Variants in INA observed in about 807,000 individuals in gnomAD.
INA encodes the protein alpha-internexin.
A neutral mutation model predicts 40.1 loss-of-function variants in INA; 35 were observed. The ratio of observed to expected loss-of-function variants is 0.87; its 90% CI spans 0.67 to 1.16. INA has a LOEUF of 1.16. INA is among the 50% of genes most tolerant of loss of function. The pLI is 0.00. For missense variants in INA, 594 were observed against 686.7 expected (o/e 0.87, Z 1.51); for synonymous variants, 290 against 316.9 (o/e 0.92, Z 0.90).
At chr10:103,279,603 A>C (rs145059470) in intron 1 of INA, among the ~76,000 whole-genome samples, 208 of 152,376 alleles carry the variant, frequency 1.4e-3, no homozygotes, top group African/African-American at 4.8e-3. Flanking sequence ...AATTCTAGCT[A>C]GGATTAAAGT....
intron 1 of INA, among the ~76,000 whole-genome samples, chr10:103,284,613 G>A (rs2093080828): frequency 6.6e-6 from 1 of 152,004 alleles, no homozygotes; most frequent in Non-Finnish European, 1.5e-5. Flanking sequence ...AATTAGCCAG[G>A]TGTGGTGGTG....
intron 1 of INA, among the ~76,000 whole-genome samples, chr10:103,284,161 AC>A (rs2093079578): frequency 6.7e-6 from 1 of 150,300 alleles, no homozygotes; most frequent in African/African-American, 2.5e-5. Context: ...AGGCTGGAGC[AC>A]AGTGGCGCCA....
Position 103,287,091 on chromosome 10 carries a change from C to A in INA, c.1122C>A (p.Arg374=). 1 of 1,613,908 alleles carries A rather than the reference C, an allele frequency of 6.2e-7. No homozygotes were observed. Among genetic ancestry groups the A allele is most frequent in the Non-Finnish European group, 8.5e-7 (1 of 1,179,884 alleles). The part of the protein sequence containing the change: ...DLRNTKSEMA[R]HLREYQDLLN... ...GGAACACCAAGAGTGAGATGGCACG[C>A]CACCTTCGGGAATACCAGGACTTGC... is the stretch of plus-strand genomic sequence containing the variant. The change falls in exon 2 of 3, where the codon CGC becomes CGA. Residue 374 remains arginine (R), a synonymous_variant. Coordinates refer to ENST00000369849, the MANE Select transcript of INA (RefSeq NM_032727.4).
chr10:103,279,969 T>G (rs753956050), intron 1 of INA: 1 of 1,289,448 alleles, frequency 7.8e-7, no homozygotes, highest in South Asian at 1.2e-5. Context: ...CTAGGTGGTC[T>G]TCTGGAGGGC....
In INA at chr10:103,286,182, T is replaced by C. The variant is rs373518480; in HGVS notation, c.1066-853T>C. Among the ~76,000 whole-genome samples, 18 of 151,786 alleles carry C rather than the reference T, an allele frequency of 1.2e-4. No homozygotes were observed. The East Asian group carries it at 2.7e-3, about 23-fold the overall frequency. ...ATCTTTACAAAACAAAAATCTTTTT[T>C]AACTAGCCAGGCATGGTAGTGTACA... On this transcript the variant is annotated intron_variant, in intron 1 of 2. Transcript: ENST00000369849.
In INA at chr10:103,277,578, G is replaced by C; in HGVS notation, c.367G>C (p.Glu123Gln). ...GCTGGAGACGCAGAACCGCGCGTTG[G>C]AGGCCGAGCTGGCCGCGCTGCGACA... is the stretch of plus-strand genomic sequence containing the variant. ...HQLETQNRAL[E>Q]AELAALRQRH... Residue 123 changes from glutamate (E) to glutamine (Q), a missense_variant, in exon 1 of 3, where the codon GAG (glutamate) becomes CAG (glutamine). Coordinates refer to ENST00000369849, the MANE Select transcript of INA (RefSeq NM_032727.4). The surrounding 1 kb of genome is among the most constrained non-coding windows in gnomAD (Gnocchi z 5.6). 5 of 1,566,808 alleles carry C rather than the reference G, an allele frequency of 3.2e-6. No homozygotes were observed. The highest frequency in any genetic ancestry group is 4.3e-6 in the Non-Finnish European group (5 of 1,162,846).
At chr10:103,280,597 C>T in intron 1 of INA, 1 of 985,364 alleles carries the variant, frequency 1.0e-6, no homozygotes, top group African/African-American at 1.7e-5. Context: ...ATAGGAAGGC[C>T]CCATTAAAGT....
intron 1 of INA, among the ~76,000 whole-genome samples, chr10:103,285,269 C>A (rs2093082982): frequency 6.6e-6 from 1 of 151,370 alleles, no homozygotes; most frequent in South Asian, 2.1e-4. Flanking sequence ...CAGGCATGAG[C>A]CATCGTGCCT....
At chr10:103,283,247 T>A (rs532531594) in intron 1 of INA, among the ~76,000 whole-genome samples, 24 of 152,322 alleles carry the variant, frequency 1.6e-4, no homozygotes, top group African/African-American at 5.8e-4. Context: ...ATAATCATAT[T>A]TTCTTCTTTC....
Position 103,278,182 on chromosome 10 carries a change from T to C in INA, c.971T>C (p.Ile324Thr). The C allele has an allele frequency of 6.2e-7, 1 of 1,610,212 alleles. No homozygotes were observed. Among genetic ancestry groups the C allele is most frequent in the Non-Finnish European group, 8.5e-7 (1 of 1,178,780 alleles). Residue 324 changes from isoleucine (I) to threonine (T), a missense_variant, in exon 1 of 3, where the codon ATC becomes ACC. Coordinates refer to ENST00000369849, the MANE Select transcript of INA (RefSeq NM_032727.4). The surrounding 1 kb of genome is among the most constrained non-coding windows in gnomAD (Gnocchi z 4.9). ...EYRRQLQARTIEIEGLRGANE... is the reference protein window; with the variant it reads ...EYRRQLQARTTEIEGLRGANE... ...CGGCGCCAGCTGCAGGCGCGCACCATCGAGATCGAGGGCCTGCGCGGGGCC... is the reference window on the plus strand; with the variant it reads ...CGGCGCCAGCTGCAGGCGCGCACCACCGAGATCGAGGGCCTGCGCGGGGCC...
chr10:103,288,398 G>A lies in INA; in HGVS notation c.1229G>A (p.Ser410Asn). ...GGCGAGGAGACACGTTTTAGCACCA[G>A]TGGGTTAAGCATTTCGGGGCTGAAT... ...LEGEETRFST[S>N]GLSISGLNPL... The change falls in exon 3 of 3, where the codon AGT (serine) becomes AAT (asparagine). Residue 410 changes from serine to asparagine, a missense_variant. Around this residue, in one of 2 missense-constraint regions of INA, gnomAD observed 379 missense variants for 496.1 expected, o/e 0.76. Transcript: ENST00000369849. The A allele has an allele frequency of 6.2e-7, 1 of 1,610,130 alleles. No individual in the cohort carries two copies. Among genetic ancestry groups the A allele is most frequent in the Admixed American group, 1.7e-5 (1 of 58,174 alleles).
intron 1 of INA, among the ~76,000 whole-genome samples, chr10:103,279,661 C>G (rs1471678303): frequency 6.6e-6 from 1 of 151,984 alleles, no homozygotes; most frequent in Non-Finnish European, 1.5e-5. Context: ...TAAAATAGAA[C>G]CAAGAAAGGA....
rs955609904 is a variant in INA at position 103,278,039 on chromosome 10, C to G, written c.828C>G (p.Ala276=). ...TCCGCGCCCAGTATGAGTCCCTGGC[C>G]GCTAAGAACCTGCAGTCCGCGGAAG... ...REIRAQYESL[A]AKNLQSAEEW... is the part of the protein sequence containing the mutation. The change falls in exon 1 of 3, where the codon GCC becomes GCG. Residue 276 remains alanine, a synonymous_variant. Coordinates refer to ENST00000369849, the MANE Select transcript of INA (RefSeq NM_032727.4). The surrounding 1 kb of genome is among the most constrained non-coding windows in gnomAD (Gnocchi z 4.9). 1.2e-6 allele frequency: 2 copies of G among 1,612,830 alleles called. No individual in the cohort carries two copies. Among genetic ancestry groups the G allele is most frequent in the African/African-American group, 2.7e-5 (2 of 75,032 alleles).
chr10:103,288,166 G>T (rs537573455), intron 2 of INA, among the ~76,000 whole-genome samples, 194 bp from the exon 3 acceptor site: 2 of 152,042 alleles, frequency 1.3e-5, no homozygotes, highest in African/African-American at 4.8e-5. Context: ...CTGAAGGGGG[G>T]TGTGTGTGTG....
chr10:103,278,869 A>AAC lies in INA; in HGVS notation c.1065+608_1065+609dup, dbSNP rs376346720. Among the ~76,000 whole-genome samples, 60 of 125,400 alleles carry AAC rather than the reference A, an allele frequency of 4.8e-4. No homozygotes were observed. The highest frequency in any genetic ancestry group is 4.5e-3 in the Middle Eastern group (1 of 220). 82.3% of individuals were successfully genotyped at this position (125,400 alleles called of 152,430 possible). A position where few individuals can be genotyped will look rare whatever the true frequency, so the allele number is the denominator to read the frequency against. ...ACCACCCTGCTCTACCCACCTCCCCAACACACACACACACACGATTCCCTT... is the reference window on the plus strand; with the variant it reads ...ACCACCCTGCTCTACCCACCTCCCCAACACACACACACACACACGATTCCCTT... On this transcript the variant is annotated intron_variant, in intron 1 of 2. Coordinates refer to ENST00000369849, the MANE Select transcript of INA (RefSeq NM_032727.4). The surrounding 1 kb of genome is among the most constrained non-coding windows in gnomAD (Gnocchi z 4.9).
intron 1 of INA, among the ~76,000 whole-genome samples, chr10:103,282,356 G>C (rs1044380315): frequency 7.9e-5 from 12 of 152,286 alleles, no homozygotes; most frequent in African/African-American, 2.4e-4. Flanking sequence ...TTAGGAACTT[G>C]GCACCTCTAC....
rs1592041591 is a variant in INA at position 103,277,898 on chromosome 10, G to C, written c.687G>C (p.Gln229His). Residue 229 changes from glutamine to histidine, a missense_variant, in exon 1 of 3, where the codon CAG (glutamine) becomes CAC (histidine). Gln to His is a conservative substitution (Grantham distance 24). This residue lies in a region of INA where 379 missense variants were observed against 496.1 expected (regional missense o/e 0.76). Transcript: ENST00000369849. The surrounding 1 kb of genome is among the most constrained non-coding windows in gnomAD (Gnocchi z 5.6). Reference sequence around the variant, plus strand: ...TGGACGAGCTGGCCTTCGTACGCCAGGTGCACGACGAGGAGGTAGCCGAGC... The same window carrying C: ...TGGACGAGCTGGCCTTCGTACGCCACGTGCACGACGAGGAGGTAGCCGAGC... ...SLLDELAFVR[Q>H]VHDEEVAELL... 2 of 1,550,598 alleles carry C rather than the reference G, an allele frequency of 1.3e-6. No individual in the cohort carries two copies. Among genetic ancestry groups the C allele is most frequent in the East Asian group, 2.4e-5 (1 of 40,920 alleles).
At chr10:103,279,626 A>C (rs1480911261) in intron 1 of INA, among the ~76,000 whole-genome samples, 1 of 152,220 alleles carries the variant, frequency 6.6e-6, no homozygotes, top group African/African-American at 2.4e-5. Flanking sequence ...ACATTTGGTG[A>C]GATTAATAGG....
chr10:103,285,406 C>T (rs1389155062), intron 1 of INA, among the ~76,000 whole-genome samples: 1 of 152,084 alleles, frequency 6.6e-6, no homozygotes, highest in African/African-American at 2.4e-5. Flanking sequence ...AGCGATTCTC[C>T]TGCCTCAGCC....
Sources: allele counts gnomAD v4.1 joint callset (sites outside exome capture counted in the v4.1 genomes callset), GRCh38; gene constraint gnomAD v4.1.1; regional missense constraint gnomAD v4.1.1; non-coding constraint Gnocchi (gnomAD v3.1); transcripts MANE v1.5; gene names NCBI Gene and HGNC (gene_info 2026-07-23, HGNC 2026-07-21).